Variants in TRMT44 observed in about 807,000 individuals in gnomAD.
The protein encoded by TRMT44 is tRNA methyltransferase 44 homolog, also known as probable tRNA (uracil-O(2)-)-methyltransferase.
A neutral mutation model predicts 77.3 loss-of-function variants in TRMT44; 78 were observed. The ratio of observed to expected loss-of-function variants is 1.01; its 90% confidence interval spans 0.84 to 1.22. TRMT44 has a LOEUF of 1.22. TRMT44 is among the 50% of genes most tolerant of loss of function. TRMT44 has a pLI of 0.00. For missense variants in TRMT44, 1,090 were observed against 964.4 expected (o/e 1.13, Z -1.73); for synonymous variants, 391 against 383.3 (o/e 1.02, Z -0.23).
intron 10 of TRMT44, among the ~76,000 whole-genome samples, chr4:8,472,714 G>T (rs1699309903): frequency 6.6e-6 from 1 of 152,198 alleles, no homozygotes; most frequent in Non-Finnish European, 1.5e-5. Flanking sequence ...TGTTTCTCGG[G>T]GCAGGCGCAG....
chr4:8,445,135 A>T (rs544446904), intron 1 of TRMT44, among the ~76,000 whole-genome samples: 5 of 152,336 alleles, frequency 3.3e-5, no homozygotes, highest in African/African-American at 1.2e-4. Context: ...ATACTGGATG[A>T]TAAAGTTGTG....
rs573899779 is a variant in TRMT44, at chr4:8,444,290, G to A, written c.620-2186G>A. 6.6e-6 allele frequency among the ~76,000 whole-genome samples: 1 copy of A among 152,052 alleles called. No individual in the cohort carries two copies. Among genetic ancestry groups the A allele is most frequent in the Non-Finnish European group, 1.5e-5 (1 of 68,020 alleles). ...CCAGAGGGTGGGAAGGGGAGTGGAG[G>A]GTTGGGGGAGAGGTGGGATGGTTAA... On this transcript the variant is annotated intron_variant, in intron 1 of 10. Transcript: ENST00000389737. This position sits in a 1 kb window ranked among gnomAD's most constrained non-coding sequence, Gnocchi z 4.0.
At chr4:8,453,093 G>T (rs566235806) in intron 5 of TRMT44, 104 bp downstream of exon 5, 141 of 626,382 alleles carry the variant, frequency 2.3e-4, no homozygotes, top group South Asian at 5.5e-4. Context: ...GCCTGGATTT[G>T]GAGTCAGCCA....
chr4:8,454,883 ATG>A, intron 6 of TRMT44, 70 bp downstream of exon 6: 1 of 1,404,376 alleles, frequency 7.1e-7, no homozygotes, highest in East Asian at 2.3e-5. Context: ...GCTGTAATGA[ATG>A]TGTCTCTTTG....
the TRMT44 span, among the ~76,000 whole-genome samples, chr4:8,501,684 T>C: frequency 2.0e-5 from 3 of 152,314 alleles, no homozygotes; most frequent in Non-Finnish European, 1.5e-5. This position sits in a 1 kb window ranked among gnomAD's most constrained non-coding sequence, Gnocchi z 4.4. Flanking sequence ...TCTTTGCCCC[T>C]TTCCCTTTTC....
intron 1 of TRMT44, among the ~76,000 whole-genome samples, chr4:8,443,265 G>T (rs1235869213): frequency 6.6e-6 from 1 of 152,226 alleles, no homozygotes; most frequent in Non-Finnish European, 1.5e-5. Flanking sequence ...GAGAGGCAGT[G>T]CCCGTGAGGC....
intron 10 of TRMT44, among the ~76,000 whole-genome samples, chr4:8,472,119 T>G (rs746557673): frequency 3.9e-5 from 6 of 152,110 alleles, no homozygotes; most frequent in Admixed American, 1.3e-4. Context: ...AGTAGGTGTC[T>G]TCTTGTGTCA....
chr4:8,513,960 G>C, the TRMT44 span, among the ~76,000 whole-genome samples: 2 of 152,176 alleles, frequency 1.3e-5, no homozygotes, highest in East Asian at 3.8e-4. Flanking sequence ...GAACCACTTG[G>C]TTTGAACCCA....
chr4:8,450,606 C>T lies in TRMT44; in HGVS notation c.954+718C>T, dbSNP rs902159771. On this transcript the variant is annotated intron_variant, in intron 3 of 10. Coordinates refer to ENST00000389737, the MANE Select transcript of TRMT44 (RefSeq NM_152544.3). ...TATCTAAGATGTAAAAACAGTATAA[C>T]AAGAAACATCTGTGTTGCGGGAAGT... Among the ~76,000 whole-genome samples, 4 of 152,158 alleles carry T rather than the reference C, an allele frequency of 2.6e-5. No individual in the cohort carries two copies. The South Asian group carries it at 6.2e-4, about 24-fold the overall frequency.
chr4:8,455,647 G>A (rs183850248), intron 6 of TRMT44, among the ~76,000 whole-genome samples: 15 of 152,256 alleles, frequency 9.9e-5, no homozygotes, highest in Admixed American at 3.9e-4. Flanking sequence ...TGGTGTATAC[G>A]GAACTTTGAC....
downstream of TRMT44, among the ~76,000 whole-genome samples, chr4:8,497,929 G>T (rs557506575): frequency 7.2e-5 from 11 of 152,264 alleles, no homozygotes; most frequent in East Asian, 1.9e-4. Context: ...GCGTGGGGGG[G>T]GCTGGGAAAA....
intron 8 of TRMT44, among the ~76,000 whole-genome samples, chr4:8,466,520 G>A (rs1204107379): frequency 3.3e-5 from 5 of 152,248 alleles, no homozygotes; most frequent in African/African-American, 1.2e-4. Flanking sequence ...CCTCAGGGCC[G>A]CTGGCGCTGT....
chr4:8,499,585 AGGGTCGATTTAGTG>A, the TRMT44 span, among the ~76,000 whole-genome samples: 2 of 41,188 alleles, frequency 4.9e-5, no homozygotes, highest in Non-Finnish European at 1.1e-4. Flanking sequence ...GAGTGTCCTG[AGGGTCGATTTAGTG>A]TGTCCTGAGG....
chr4:8,469,496 C>G (rs1726838222), intron 9 of TRMT44, among the ~76,000 whole-genome samples: 1 of 152,192 alleles, frequency 6.6e-6, no homozygotes, highest in African/African-American at 2.4e-5. Flanking sequence ...AGTGACAGTT[C>G]TTGAGTGCAG....
downstream of TRMT44, among the ~76,000 whole-genome samples, chr4:8,496,150 G>A (rs939293247): frequency 6.6e-6 from 1 of 152,214 alleles, no homozygotes; most frequent in African/African-American, 2.4e-5. Flanking sequence ...GTGAAGCAAT[G>A]GGAAACCTCT....
intron 10 of TRMT44, among the ~76,000 whole-genome samples, chr4:8,472,711 C>T (rs868074120): frequency 2.6e-4 from 40 of 152,266 alleles, no homozygotes; most frequent in South Asian, 1.7e-3. Context: ...CTGTGTTTCT[C>T]GGGGCAGGCG....
intron 2 of TRMT44, among the ~76,000 whole-genome samples, chr4:8,490,949 C>A (rs1727982757): frequency 6.6e-6 from 1 of 152,256 alleles, no homozygotes; most frequent in African/African-American, 2.4e-5. Flanking sequence ...CACAAAGGTT[C>A]TCCGAGGCCC....
At chr4:8,491,359 C>T (rs973126583) in intron 2 of TRMT44, among the ~76,000 whole-genome samples, 4 of 152,240 alleles carry the variant, frequency 2.6e-5, no homozygotes, top group Admixed American at 1.3e-4. Context: ...TAGTGGATCC[C>T]GCACCAGGGC....
At chr4:8,468,489 C>G (rs975251097) in intron 9 of TRMT44, 143 bp downstream of exon 9, 2 of 779,002 alleles carry the variant, frequency 2.6e-6, no homozygotes, top group Non-Finnish European at 4.2e-6. Flanking sequence ...TGCATAGGCT[C>G]TCTTCAAGCA....
Sources: allele counts gnomAD v4.1 joint callset (sites outside exome capture counted in the v4.1 genomes callset), GRCh38; gene constraint gnomAD v4.1.1; non-coding constraint Gnocchi (gnomAD v3.1); transcripts MANE v1.5; gene names NCBI Gene and HGNC (gene_info 2026-07-23, HGNC 2026-07-21).